KCTD1: variants seen among roughly 807,000 people sequenced by gnomAD.
The protein encoded by KCTD1 is potassium channel tetramerization domain containing 1, also known as BTB/POZ domain-containing protein KCTD1.
Under a neutral mutation model 66.0 loss-of-function variants are expected in KCTD1, and 24 were observed. The ratio of observed to expected loss-of-function variants is 0.36; its 90% CI spans 0.26 to 0.51. The LOEUF (loss-of-function observed/expected upper bound fraction) is 0.51. Among genes scored for constraint, KCTD1 ranks in the 20% least tolerant of loss-of-function variants. KCTD1 has a pLI of 0.95. For missense variants in KCTD1, 943 were observed against 1,205.2 expected, an observed-to-expected ratio of 0.78 and a Z score of 3.22; for synonymous variants, 511 against 517.2, an observed-to-expected ratio of 0.99 and a Z score of 0.16.
upstream of KCTD1, among the ~76,000 whole-genome samples, chr18:26,642,563 C>T (rs1346625741): frequency 6.6e-6 from 1 of 152,086 alleles, no homozygotes. Context: ...TTGAAAAATA[C>T]AAACTAGAGC....
upstream of KCTD1, among the ~76,000 whole-genome samples, chr18:26,642,611 A>C (rs952334737): frequency 1.3e-5 from 2 of 152,206 alleles, no homozygotes; most frequent in African/African-American, 4.8e-5. Context: ...ATTCAAAAAA[A>C]CTGTTAAGGA....
At chr18:26,578,932 C>T (rs1168290731) in intron 1 of KCTD1, among the ~76,000 whole-genome samples, 2 of 152,152 alleles carry the variant, frequency 1.3e-5, no homozygotes, top group Non-Finnish European at 2.9e-5. Flanking sequence ...AATTAGAAAG[C>T]AAACATAATT....
intron 2 of KCTD1, among the ~76,000 whole-genome samples, chr18:26,481,653 C>T (rs975973825): frequency 4.6e-5 from 7 of 152,196 alleles, no homozygotes; most frequent in African/African-American, 9.7e-5. Flanking sequence ...TCTGAAATCA[C>T]GCCTTCTCAC....
At chr18:26,522,184 G>C (rs1236631844) in intron 1 of KCTD1, among the ~76,000 whole-genome samples, 1 of 152,176 alleles carries the variant, frequency 6.6e-6, no homozygotes, top group African/African-American at 2.4e-5. Context: ...AAATAGGGTT[G>C]CTGCAGAAGT....
chr18:26,624,611 C>G (rs147386422), intron 1 of KCTD1, among the ~76,000 whole-genome samples: 11 of 152,214 alleles, frequency 7.2e-5, no homozygotes, highest in Non-Finnish European at 1.6e-4. Context: ...AGAGGACATA[C>G]GGAAATGCCT....
chr18:26,524,599 G>A (rs1984068607), intron 1 of KCTD1, among the ~76,000 whole-genome samples: 1 of 151,976 alleles, frequency 6.6e-6, no homozygotes, highest in Admixed American at 6.6e-5. Context: ...TAACCTTTAA[G>A]GAGCTGCCAT....
At chr18:26,554,432 C>T (rs1399950097) in intron 1 of KCTD1, among the ~76,000 whole-genome samples, 1 of 137,700 alleles carries the variant, frequency 7.3e-6, no homozygotes, top group East Asian at 2.9e-4. Context: ...GTCACTTGGC[C>T]ACCTAAACAC....
intron 1 of KCTD1, among the ~76,000 whole-genome samples, chr18:26,618,559 G>T (rs1241570159): frequency 6.6e-6 from 1 of 152,166 alleles, no homozygotes; most frequent in Admixed American, 6.5e-5. Context: ...TAAGGATAAA[G>T]GTGAACGAGG....
intron 1 of KCTD1, among the ~76,000 whole-genome samples, chr18:26,624,869 G>A (rs541217832): frequency 6.6e-6 from 1 of 152,330 alleles, no homozygotes; most frequent in South Asian, 2.1e-4. Flanking sequence ...AGCTGGAAGG[G>A]AGGATGTACC....
chr18:26,564,801 A>C (rs1031936093), intron 1 of KCTD1, among the ~76,000 whole-genome samples: 8 of 152,014 alleles, frequency 5.3e-5, no homozygotes, highest in African/African-American at 1.9e-4. Context: ...AGGCAGGAGA[A>C]TCGCTTGAAC....
chr18:26,508,709 T>TTC (rs201752316), intron 1 of KCTD1, among the ~76,000 whole-genome samples: 18,084 of 72,788 alleles, frequency 0.25, 1,169 homozygotes, highest in Non-Finnish European at 0.37. Flanking sequence ...TTAAATATAT[T>TTC]TCTCTCTCTC....
chr18:26,657,214 A>G, intron 1 of KCTD1: 1 of 512,820 alleles, frequency 1.9e-6, no homozygotes, highest in Non-Finnish European at 2.5e-6. Flanking sequence ...GCGGATTCCT[A>G]GTCGCCCGCC....
intron 1 of KCTD1, among the ~76,000 whole-genome samples, chr18:26,625,297 C>T (rs951417633): frequency 1.2e-4 from 18 of 151,994 alleles, no homozygotes; most frequent in Admixed American, 2.0e-4. Flanking sequence ...GGGGGAGGAA[C>T]GATATGGTTT....
At chr18:26,654,618 T>C (rs550349282) in intron 1 of KCTD1, among the ~76,000 whole-genome samples, 23 of 152,196 alleles carry the variant, frequency 1.5e-4, no homozygotes, top group Non-Finnish European at 3.2e-4. Flanking sequence ...ACTGCAGTCG[T>C]TTTGCATACT....
chr18:26,528,967 T>A lies in KCTD1; in HGVS notation c.1809+17761A>T, dbSNP rs144929298. The stretch of plus-strand genomic sequence containing the variant: ...AAACAATCTGCCCCAATAGCTTCAA[T>A]TATCATCTGTAAACTGATGAAATTC... On this transcript the variant is annotated intron_variant, in intron 1 of 4. Transcript: ENST00000580059. Among the ~76,000 whole-genome samples, 11 of 152,340 alleles carry A rather than the reference T, an allele frequency of 7.2e-5. No individual in the cohort carries two copies. The East Asian group carries it at 2.1e-3, about 29-fold the overall frequency.
chr18:26,561,258 C>G (rs956586211), intron 1 of KCTD1, among the ~76,000 whole-genome samples: 1 of 152,096 alleles, frequency 6.6e-6, no homozygotes. Flanking sequence ...AAATCATTTA[C>G]AGTGGTGACT....
At position 26,476,983 on chromosome 18, in the gene KCTD1, A is replaced by G. The variant is rs2144603162; in HGVS notation, c.1989-324T>C. On this transcript the variant is annotated intron_variant, in intron 2 of 4. Coordinates refer to ENST00000580059, the MANE Select transcript of KCTD1 (RefSeq NM_001142730.3). This position sits in a 1 kb window ranked among gnomAD's most constrained non-coding sequence, Gnocchi z 4.9. ...TTTCCCCGTGTTACTTAAAACAAGCATCCCTGATACTTAAAAAATGTTATT... is the reference window on the plus strand; with the variant it reads ...TTTCCCCGTGTTACTTAAAACAAGCGTCCCTGATACTTAAAAAATGTTATT... 4.8e-6 allele frequency: 1 copy of G among 209,310 alleles called. No homozygotes were observed. Among genetic ancestry groups the G allele is most frequent in the Non-Finnish European group, 9.4e-6 (1 of 106,600 alleles). 13.0% of individuals were successfully genotyped at this position (209,310 alleles called of 1,614,324 possible). A position where few individuals can be genotyped will look rare whatever the true frequency, so the allele number is the denominator to read the frequency against.
At chr18:26,656,613 G>A (rs1988149851) in intron 1 of KCTD1, among the ~76,000 whole-genome samples, 2 of 151,396 alleles carry the variant, frequency 1.3e-5, no homozygotes, top group South Asian at 2.1e-4. Flanking sequence ...GGCAAAAGGG[G>A]GAAGGAAAAA....
upstream of KCTD1, among the ~76,000 whole-genome samples, chr18:26,630,741 G>A (rs1282362632): frequency 6.6e-6 from 1 of 152,222 alleles, no homozygotes; most frequent in Non-Finnish European, 1.5e-5. Flanking sequence ...TTGTGTGGTT[G>A]AGTTGTGAGC....
Sources: gnomAD v4.1 joint callset for allele counts (sites outside exome capture counted in the v4.1 genomes callset) on GRCh38, gnomAD v4.1.1 for gene constraint, Gnocchi (gnomAD v3.1) non-coding constraint, MANE v1.5 for transcripts, NCBI Gene and HGNC (gene_info 2026-07-23, HGNC 2026-07-21) for gene names.